Variants in PRDM4 observed in about 807,000 individuals in gnomAD.
PRDM4 encodes the protein PR/SET domain 4, also known as PR domain zinc finger protein 4.
PRDM4 carries 38 observed loss-of-function variants against 62.3 expected under a neutral mutation model. That is an observed-to-expected ratio of 0.61 (90% CI 0.47 to 0.80). PRDM4 has a LOEUF of 0.80. Ranked by LOEUF, PRDM4 falls within the 30% of genes least tolerant of loss-of-function variation. PRDM4 has a pLI of 0.00. For missense variants in PRDM4, 858 were observed against 997.1 expected (o/e 0.86, Z 1.88); for synonymous variants, 339 against 348.2 (o/e 0.97, Z 0.30).
rs767160675 is a variant in PRDM4, at chr12:107,746,262, C to T, written c.1276+13G>A. 63 of 1,613,342 alleles carry T rather than the reference C, an allele frequency of 3.9e-5. No homozygotes were observed. The highest frequency in any genetic ancestry group is 4.8e-5 in the Non-Finnish European group (57 of 1,179,666). On this transcript the variant is annotated intron_variant, in intron 6 of 11. Coordinates refer to ENST00000228437, the MANE Select transcript of PRDM4 (RefSeq NM_012406.4). ...AGAGATGTAATAGTGTTTTACAGTT[C>T]CAAGGTTCTTACCAACTTCTGCTCC...
rs1285018896 is a variant in PRDM4 at position 107,751,476 on chromosome 12, A to C, written c.1065T>G (p.Pro355=). 6.2e-6 allele frequency: 10 copies of C among 1,613,996 alleles called. No homozygotes were observed. The highest frequency in any genetic ancestry group is 8.5e-6 in the Non-Finnish European group (10 of 1,179,850). The part of the protein sequence containing the change: ...VSSDSLSFVS[P]SLQMEDSNSN... Reference sequence around the variant, plus strand: ...AATTGGAGTCTTCCATTTGCAGTGAAGGTGATACAAAAGAAAGACTGTCTG... The same window carrying C: ...AATTGGAGTCTTCCATTTGCAGTGACGGTGATACAAAAGAAAGACTGTCTG... The change falls in exon 5 of 12, where the codon CCT becomes CCG. Residue 355 remains proline (P), a synonymous_variant. Transcript: ENST00000228437.
intron 2 of PRDM4, 121 bp downstream of exon 2, chr12:107,760,384 C>T: frequency 2.3e-6 from 3 of 1,298,046 alleles, no homozygotes; most frequent in Non-Finnish European, 3.2e-6. Flanking sequence ...GATTTGTTTC[C>T]TTTGCAAATC....
intron 5 of PRDM4, among the ~76,000 whole-genome samples, 177 bp downstream of exon 5, chr12:107,751,238 G>A (rs1375388030): frequency 2.0e-5 from 3 of 152,164 alleles, no homozygotes; most frequent in African/African-American, 7.2e-5. Flanking sequence ...TATATCATTT[G>A]GCTTACTTGA....
chr12:107,757,289 T>A (rs1336184870), intron 2 of PRDM4, among the ~76,000 whole-genome samples: 5 of 152,216 alleles, frequency 3.3e-5, no homozygotes, highest in Non-Finnish European at 4.4e-5. Context: ...AGTTTTTTTT[T>A]AAATCACTCA....
chr12:107,739,343 A>T, intron 11 of PRDM4, 40 bp downstream of exon 11: 1 of 1,596,020 alleles, frequency 6.3e-7, no homozygotes, highest in Non-Finnish European at 8.5e-7. Flanking sequence ...ACAAAGGCTC[A>T]CCACCTGAGG....
intron 2 of PRDM4, among the ~76,000 whole-genome samples, chr12:107,758,794 A>G (rs1424613758): frequency 3.3e-5 from 5 of 152,168 alleles, no homozygotes; most frequent in Non-Finnish European, 7.3e-5. Flanking sequence ...GCTCTAAGAC[A>G]TCAATAAAAT....
intron 2 of PRDM4, 75 bp downstream of exon 2, chr12:107,760,430 G>A (rs992915645): frequency 1.1e-5 from 17 of 1,578,920 alleles, no homozygotes; most frequent in Non-Finnish European, 1.4e-5. Flanking sequence ...CAAAAACAAC[G>A]GCACTGACCC....
Position 107,746,301 on chromosome 12 carries a change from C to A in PRDM4, c.1250G>T (p.Arg417Leu). 1 of 1,613,910 alleles carries A rather than the reference C, an allele frequency of 6.2e-7. No homozygotes were observed. Among genetic ancestry groups the A allele is most frequent in the Non-Finnish European group, 8.5e-7 (1 of 1,179,972 alleles). The part of the protein sequence containing the change: ...RLSLPKQLVL[R>L]QSIVGAEVGV... ...AACTTCTGCTCCCACAATTGACTGA[C>A]GGAGAACAAGCTGCTTTGGGAGAGA... Residue 417 changes from arginine to leucine, a missense_variant, in exon 6 of 12, where the codon CGT becomes CTT. Transcript: ENST00000228437.
In PRDM4 at chr12:107,743,268, A is replaced by C; in HGVS notation, c.1410T>G (p.Gly470=). 6.2e-7 allele frequency: 1 copy of C among 1,612,160 alleles called. No individual in the cohort carries two copies. The highest frequency in any genetic ancestry group is 8.5e-7 in the Non-Finnish European group (1 of 1,178,268). ...TTGTAATGATGCAGAATTCTAGGAC[A>C]CCATTGTGGTATATCTGCCAACAGA... ...VNHIWKIYHN[G]VLEFCIITTD... Residue 470 remains glycine (G), a synonymous_variant, in exon 8 of 12, where the codon GGT becomes GGG. Transcript: ENST00000228437.
chr12:107,756,385 C>T (rs1468539616), intron 3 of PRDM4, among the ~76,000 whole-genome samples: 1 of 152,188 alleles, frequency 6.6e-6, no homozygotes, highest in African/African-American at 2.4e-5. Context: ...TAATTCTAGA[C>T]CTGGTACACT....
In PRDM4 at chr12:107,739,398, A is replaced by C; in HGVS notation, c.2078T>G (p.Val693Gly). 1 of 1,613,450 alleles carries C rather than the reference A, an allele frequency of 6.2e-7. No homozygotes were observed. Among genetic ancestry groups the C allele is most frequent in the African/African-American group, 1.3e-5 (1 of 75,036 alleles). The change falls in exon 11 of 12, where the codon GTG (valine) becomes GGG (glycine). Residue 693 changes from valine (V) to glycine (G), a missense_variant. Physicochemically the swap from Val to Gly is moderately radical, Grantham distance 109 (BLOSUM62 -3). Transcript: ENST00000228437. ...GGTAACTTACTGAGTGTGGATGAGC[A>C]CGTGCTGCTTGAGGTCCTGCCTCCG... ...FMRRQDLKQH[V>G]LIHTQERQIK... is the part of the protein sequence containing the mutation.
chr12:107,742,198 AT>A (rs1351143461), intron 9 of PRDM4, 22 bp downstream of exon 9: 1 of 1,604,020 alleles, frequency 6.2e-7, no homozygotes, highest in African/African-American at 1.3e-5. Context: ...AGCCAGATTC[AT>A]TATAAACACA....
rs766422334 is a variant in PRDM4 at position 107,754,069 on chromosome 12, G to A, written c.186C>T (p.Ser62=). 1.2e-6 allele frequency: 2 copies of A among 1,612,278 alleles called. No homozygotes were observed. Among genetic ancestry groups the A allele is most frequent in the Non-Finnish European group, 1.7e-6 (2 of 1,179,144 alleles). Residue 62 remains serine (S), a synonymous_variant, in exon 4 of 12, where the codon AGC becomes AGT. Coordinates refer to ENST00000228437, the MANE Select transcript of PRDM4 (RefSeq NM_012406.4). The part of the protein sequence containing the change: ...VAIPNLGPSL[S]SLPSALSLML... ...TTAAAGACAGAGCAGAAGGCAGAGA[G>A]CTCAGGGAGGGACCCAGGTTTGGAA...
At chr12:107,760,147 T>C (rs1404562819) in intron 2 of PRDM4, among the ~76,000 whole-genome samples, 5 of 152,200 alleles carry the variant, frequency 3.3e-5, no homozygotes, top group Non-Finnish European at 7.3e-5. Flanking sequence ...AAGAACTTAA[T>C]TCCCTCACTA....
chr12:107,755,791 A>G (rs1891045523), intron 3 of PRDM4, among the ~76,000 whole-genome samples: 1 of 152,190 alleles, frequency 6.6e-6, no homozygotes, highest in Admixed American at 6.5e-5. Context: ...AAAGGTTTTA[A>G]AAGTACAGTG....
chr12:107,742,916 CA>C (rs976407468), intron 8 of PRDM4, among the ~76,000 whole-genome samples: 1 of 151,970 alleles, frequency 6.6e-6, no homozygotes, highest in African/African-American at 2.4e-5. Flanking sequence ...GCATATACCA[CA>C]ACACCCAGCT....
intron 2 of PRDM4, chr12:107,758,263 T>G (rs1362652): frequency 2.6e-5 from 3 of 114,350 alleles, no homozygotes; most frequent in Non-Finnish European, 6.1e-5. Context: ...TTTTTTTTTG[T>G]TTTTGAGACA....
At chr12:107,752,759 CAT>C (rs1890936788) in intron 4 of PRDM4, among the ~76,000 whole-genome samples, 1 of 152,078 alleles carries the variant, frequency 6.6e-6, no homozygotes, top group Admixed American at 6.6e-5. Context: ...CTTTGTGAAG[CAT>C]ATATATTAGG....
rs748483008 is a variant in PRDM4 at position 107,753,976 on chromosome 12, A to C, written c.279T>G (p.Pro93=). 6 of 1,614,130 alleles carry C rather than the reference A, an allele frequency of 3.7e-6. No homozygotes were observed. The highest frequency in any genetic ancestry group is 5.1e-6 in the Non-Finnish European group (6 of 1,180,000). ...TCTCCAGGTGAGGGTAAGGTGGTGG[A>C]GGTAGGGTGTAGTTTCTTTCAGGTA... ...CGLPERNYTL[P]PPPYPHLESS... Residue 93 remains proline, a synonymous_variant, in exon 4 of 12, where the codon CCT becomes CCG. Coordinates refer to ENST00000228437, the MANE Select transcript of PRDM4 (RefSeq NM_012406.4).
Sources: allele counts gnomAD v4.1 joint callset (sites outside exome capture counted in the v4.1 genomes callset), GRCh38; gene constraint gnomAD v4.1.1; transcripts MANE v1.5; gene names NCBI Gene and HGNC (gene_info 2026-07-23, HGNC 2026-07-21).